Variants in KIF18A observed in about 807,000 individuals in gnomAD.
KIF18A encodes the protein kinesin-like protein KIF18A.
A neutral mutation model predicts 103.3 loss-of-function variants in KIF18A; 67 were observed. That is an observed-to-expected ratio of 0.65 (90% CI 0.53 to 0.79). KIF18A has a LOEUF of 0.79. KIF18A is among the 30% of genes least tolerant of loss of function. The pLI is 0.00. For missense variants in KIF18A, 1,032 were observed against 1,062.5 expected (o/e 0.97, Z 0.40); for synonymous variants, 367 against 355.5 (o/e 1.03, Z -0.36).
chr11:28,050,648 C>G (rs1204155941), intron 13 of KIF18A, among the ~76,000 whole-genome samples: 1 of 151,684 alleles, frequency 6.6e-6, no homozygotes, highest in Non-Finnish European at 1.5e-5. Context: ...GAAGTATTAC[C>G]AAATGTGAGT....
chr11:28,048,052 A>G (rs969008744), intron 13 of KIF18A, among the ~76,000 whole-genome samples: 2 of 152,130 alleles, frequency 1.3e-5, no homozygotes, highest in South Asian at 2.1e-4. Context: ...AACAAAATGG[A>G]TAAGAGCAAA....
chr11:28,033,564 A>G (rs12803716), intron 15 of KIF18A, among the ~76,000 whole-genome samples: 44,196 of 151,692 alleles, frequency 0.29, 7,290 homozygotes, highest in African/African-American at 0.44. Flanking sequence ...TTGCAACAGC[A>G]TGGATGGAAC....
chr11:28,084,541 G>T, intron 7 of KIF18A, 91 bp downstream of exon 7: 1 of 1,083,974 alleles, frequency 9.2e-7, no homozygotes, highest in South Asian at 1.7e-5. Flanking sequence ...TCATTATGTA[G>T]AAACATAACC....
chr11:28,031,464 A>C (rs1373013666), intron 15 of KIF18A, among the ~76,000 whole-genome samples: 3 of 152,252 alleles, frequency 2.0e-5, no homozygotes, highest in African/African-American at 7.2e-5. Flanking sequence ...TCTCACTCAT[A>C]GGTGGGAACT....
At chr11:28,057,275 G>A (rs1373382802) in intron 13 of KIF18A, among the ~76,000 whole-genome samples, 1 of 152,112 alleles carries the variant, frequency 6.6e-6, no homozygotes, top group Non-Finnish European at 1.5e-5. Flanking sequence ...CAGCACTTTG[G>A]GAGGCCGAGG....
At chr11:28,051,763 TATC>T (rs1850715237) in intron 13 of KIF18A, among the ~76,000 whole-genome samples, 1 of 152,032 alleles carries the variant, frequency 6.6e-6, no homozygotes, top group Non-Finnish European at 1.5e-5. Flanking sequence ...TGGCTTTAAA[TATC>T]ATCTAAATGT....
Position 28,059,128 on chromosome 11 carries a change from T to C in KIF18A, c.1746A>G (p.Lys582=). 3 of 1,613,976 alleles carry C rather than the reference T, an allele frequency of 1.9e-6. No individual in the cohort carries two copies. The highest frequency in any genetic ancestry group is 1.7e-6 in the Non-Finnish European group (2 of 1,179,896). ...VLNALLPTLR[K]QYCTLKEAGL... Reference sequence around the variant, plus strand: ...CGGCTTCTTTTAATGTGCAATATTGTTTTCTTAGGGTTGGAAGTAAAGCAT... The same window carrying C: ...CGGCTTCTTTTAATGTGCAATATTGCTTTCTTAGGGTTGGAAGTAAAGCAT... Residue 582 remains lysine, a synonymous_variant, in exon 13 of 17, where the codon AAA becomes AAG. Coordinates refer to ENST00000263181, the MANE Select transcript of KIF18A (RefSeq NM_031217.4).
chr11:28,098,591 C>T (rs912643027), intron 1 of KIF18A, among the ~76,000 whole-genome samples: 4 of 152,066 alleles, frequency 2.6e-5, no homozygotes, highest in Admixed American at 2.6e-4. Flanking sequence ...AACTAGATAG[C>T]TCAGGTCTGA....
intron 3 of KIF18A, among the ~76,000 whole-genome samples, chr11:28,092,502 T>A (rs1851319809): frequency 6.6e-6 from 1 of 152,174 alleles, no homozygotes; most frequent in African/African-American, 2.4e-5. Flanking sequence ...TGAATACATA[T>A]CTGTAGTTTA....
At chr11:28,075,472 G>A (rs1006822374) in intron 10 of KIF18A, among the ~76,000 whole-genome samples, 2 of 152,096 alleles carry the variant, frequency 1.3e-5, no homozygotes, top group Non-Finnish European at 2.9e-5. Flanking sequence ...TTCTGATATT[G>A]TATCAATAAG....
chr11:28,068,900 G>A (rs570174280), intron 11 of KIF18A, among the ~76,000 whole-genome samples: 1 of 152,070 alleles, frequency 6.6e-6, no homozygotes, highest in African/African-American at 2.4e-5. Context: ...GCCATTCTAA[G>A]GTGGAATATC....
chr11:28,058,099 T>C (rs572570012), intron 13 of KIF18A, among the ~76,000 whole-genome samples: 6 of 152,290 alleles, frequency 3.9e-5, no homozygotes, highest in South Asian at 2.1e-4. Flanking sequence ...AGTCTACTTC[T>C]TTTCTTCTAC....
At position 28,088,703 on chromosome 11, in the gene KIF18A, CTTG is replaced by C. The variant is rs776986838; in HGVS notation, c.715_717del (p.Gln239del). The C allele has an allele frequency of 4.3e-6, 7 of 1,613,332 alleles. No homozygotes were observed. Among genetic ancestry groups the C allele is most frequent in the African/African-American group, 4.0e-5 (3 of 74,822 alleles). ...TTTTGATTGATACTTGCTGTTTTGT[CTTG>C]TTGTCGCAAGTAAATCTTTTTGAAA... On this transcript the variant is annotated inframe_deletion, in exon 6 of 17. Transcript: ENST00000263181.
At chr11:28,058,732 T>TATAG (rs1850818069) in intron 13 of KIF18A, among the ~76,000 whole-genome samples, 194 bp downstream of exon 13, 1 of 145,320 alleles carries the variant, frequency 6.9e-6, no homozygotes, top group Non-Finnish European at 1.5e-5. Context: ...GCTAGAGTTA[T>TATAG]ATAGAACATC....
At position 28,082,973 on chromosome 11, in the gene KIF18A, T is replaced by A; in HGVS notation, c.1150-5A>T. 6.5e-7 allele frequency: 1 copy of A among 1,538,476 alleles called. No homozygotes were observed. The highest frequency in any genetic ancestry group is 8.9e-7 in the Non-Finnish European group (1 of 1,129,170). On this transcript the variant is annotated splice_polypyrimidine_tract_variant and splice_region_variant and intron_variant, in intron 8 of 16. Transcript: ENST00000263181. Reference sequence around the variant, plus strand: ...TTTTTCTTTTAACAATAAAATCTAGTAGAGAGAAATCACTAGTTAAAATAC... The same window carrying A: ...TTTTTCTTTTAACAATAAAATCTAGAAGAGAGAAATCACTAGTTAAAATAC...
chr11:28,070,798 T>C (rs1851002898), intron 10 of KIF18A, among the ~76,000 whole-genome samples: 1 of 152,204 alleles, frequency 6.6e-6, no homozygotes, highest in South Asian at 2.1e-4. Context: ...TCTAGCACTT[T>C]GGGAGGCTGA....
rs142576783 is a variant in KIF18A, at chr11:28,037,169, G to C, written c.1949-505C>G. ...TATACTGGGTGATGCTAGGGTTTGG[G>C]TGTCAGTGACCAGTTTATTACTAAT... On this transcript the variant is annotated intron_variant, in intron 13 of 16. Coordinates refer to ENST00000263181, the MANE Select transcript of KIF18A (RefSeq NM_031217.4). Among the ~76,000 whole-genome samples, 31 of 151,586 alleles carry C rather than the reference G, an allele frequency of 2.0e-4. 1 individual carries two copies. Among genetic ancestry groups the C allele is most frequent in the African/African-American group, 5.3e-4 (22 of 41,450 alleles).
intron 13 of KIF18A, among the ~76,000 whole-genome samples, chr11:28,056,210 T>C (rs1850778939): frequency 1.3e-5 from 2 of 150,232 alleles, no homozygotes; most frequent in East Asian, 2.0e-4. Flanking sequence ...GCAGAACCCA[T>C]GGAATATGGA....
chr11:28,044,096 C>A (rs1422808466), intron 13 of KIF18A, among the ~76,000 whole-genome samples: 1 of 151,842 alleles, frequency 6.6e-6, no homozygotes, highest in African/African-American at 2.4e-5. Context: ...CCCAGATCTC[C>A]CTTACCCCAT....
Sources: allele counts gnomAD v4.1 joint callset (sites outside exome capture counted in the v4.1 genomes callset), GRCh38; gene constraint gnomAD v4.1.1; transcripts MANE v1.5; gene names NCBI Gene and HGNC (gene_info 2026-07-23, HGNC 2026-07-21).